Variants in UBE2G1 observed in about 807,000 individuals in gnomAD.
UBE2G1 encodes the protein ubiquitin-conjugating enzyme E2 G1.
In UBE2G1, 5 loss-of-function variants were observed where a neutral mutation model predicts 22.7. The ratio of observed to expected loss-of-function variants is 0.22; its 90% CI spans 0.12 to 0.46. UBE2G1 has a LOEUF of 0.46. Ranked by LOEUF, UBE2G1 falls within the 20% of genes least tolerant of loss-of-function variation. The probability of loss-of-function intolerance (pLI) is 0.99; values close to 1 mark genes in which losing one functional copy is unlikely to be tolerated. For synonymous variants in UBE2G1, 74 were observed against 67.5 expected, an observed-to-expected ratio of 1.10 and a Z score of -0.47; for missense variants, 88 against 203.9, an observed-to-expected ratio of 0.43 and a Z score of 3.46.
At chr17:4,358,788 T>C (rs937955108) in intron 1 of UBE2G1, among the ~76,000 whole-genome samples, 6 of 151,992 alleles carry the variant, frequency 3.9e-5, no homozygotes, top group South Asian at 2.1e-4. Flanking sequence ...CCTGTCTCTA[T>C]TAAAAATACA....
intron 1 of UBE2G1, among the ~76,000 whole-genome samples, chr17:4,362,046 G>GT (rs1969975072): frequency 1.3e-5 from 2 of 149,870 alleles, no homozygotes; most frequent in South Asian, 4.2e-4. Context: ...AAAAGACTAT[G>GT]TTTTTTTGTA....
chr17:4,355,368 C>A (rs1460740107), intron 1 of UBE2G1, among the ~76,000 whole-genome samples: 1 of 150,560 alleles, frequency 6.6e-6, no homozygotes, highest in Non-Finnish European at 1.5e-5. Flanking sequence ...TGGCTGGGAG[C>A]GATGGCTCAA....
intron 2 of UBE2G1, chr17:4,302,410 T>C (rs536558563): frequency 2.0e-6 from 1 of 507,496 alleles, no homozygotes; most frequent in Non-Finnish European, 4.0e-6. Flanking sequence ...ATCGCTTGCC[T>C]GTGCATTTTG....
intron 1 of UBE2G1, among the ~76,000 whole-genome samples, chr17:4,340,070 C>T (rs980228278): frequency 6.6e-6 from 1 of 152,100 alleles, no homozygotes; most frequent in African/African-American, 2.4e-5. Context: ...TAGCTGGGAA[C>T]ACAGGTGCAT....
At chr17:4,273,323 G>C (rs961493557) in intron 5 of UBE2G1, among the ~76,000 whole-genome samples, 1 of 152,148 alleles carries the variant, frequency 6.6e-6, no homozygotes, top group Non-Finnish European at 1.5e-5. Flanking sequence ...TGTTCAAAAA[G>C]TTAGAAAAAC....
chr17:4,324,599 G>A (rs1969479399), intron 1 of UBE2G1, among the ~76,000 whole-genome samples: 1 of 152,070 alleles, frequency 6.6e-6, no homozygotes, highest in South Asian at 2.1e-4. Flanking sequence ...TATTTATAAA[G>A]TGAGATAGGG....
At chr17:4,300,368 C>A (rs992031279) in intron 2 of UBE2G1, among the ~76,000 whole-genome samples, 1 of 151,192 alleles carries the variant, frequency 6.6e-6, no homozygotes, top group Non-Finnish European at 1.5e-5. Context: ...TATGGTGAAA[C>A]GCCGTCTCTA....
rs60325091 is a variant in UBE2G1, at chr17:4,325,120, A to C, written c.47-17997T>G. The stretch of plus-strand genomic sequence containing the variant: ...AACAAAAAAAACAAAAAACAAAAAA[A>C]AAAAGTAGTTTAAAATCTTCAAAAA... On this transcript the variant is annotated intron_variant, in intron 1 of 5. Coordinates refer to ENST00000396981, the MANE Select transcript of UBE2G1 (RefSeq NM_003342.5). Among the ~76,000 whole-genome samples, 1,007 of 152,298 alleles carry C rather than the reference A, an allele frequency of 6.6e-3. 6 individuals are homozygous for C. The highest frequency in any genetic ancestry group is 0.022 in the African/African-American group (907 of 41,576).
chr17:4,345,096 C>A (rs1969754259), intron 1 of UBE2G1, among the ~76,000 whole-genome samples: 1 of 152,052 alleles, frequency 6.6e-6, no homozygotes, highest in Non-Finnish European at 1.5e-5. Context: ...AAGCAAGAAG[C>A]CCAGAAGGGA....
chr17:4,353,632 C>A (rs570927842), intron 1 of UBE2G1, among the ~76,000 whole-genome samples: 85 of 151,516 alleles, frequency 5.6e-4, no homozygotes, highest in African/African-American at 1.8e-3. Context: ...CTTGCCTCAG[C>A]CTCCCGAGTA....
intron 1 of UBE2G1, among the ~76,000 whole-genome samples, chr17:4,328,102 A>C (rs938310271): frequency 7.2e-5 from 11 of 152,084 alleles, no homozygotes; most frequent in Admixed American, 3.3e-4. Context: ...GGATCACCAA[A>C]ATTTCTTAGT....
intron 1 of UBE2G1, among the ~76,000 whole-genome samples, chr17:4,335,035 G>A (rs1161230858): frequency 6.6e-6 from 1 of 151,824 alleles, no homozygotes; most frequent in Non-Finnish European, 1.5e-5. Flanking sequence ...AAATCACATC[G>A]AGCACAGCAG....
At chr17:4,348,515 T>C (rs1969807209) in intron 1 of UBE2G1, among the ~76,000 whole-genome samples, 1 of 140,982 alleles carries the variant, frequency 7.1e-6, no homozygotes, top group Non-Finnish European at 1.5e-5. Context: ...ATCCCGCCAC[T>C]GCACTCCAGC....
At chr17:4,309,987 T>A (rs1969290869) in intron 1 of UBE2G1, among the ~76,000 whole-genome samples, 1 of 152,234 alleles carries the variant, frequency 6.6e-6, no homozygotes, top group African/African-American at 2.4e-5. Context: ...CTTTGCTTGT[T>A]CCATGTAAGT....
chr17:4,275,087 G>A (rs1968806418), intron 5 of UBE2G1, among the ~76,000 whole-genome samples: 1 of 151,952 alleles, frequency 6.6e-6, no homozygotes, highest in Non-Finnish European at 1.5e-5. Flanking sequence ...AGGCAACAGA[G>A]CAAGACTCCC....
intron 3 of UBE2G1, among the ~76,000 whole-genome samples, 162 bp from the exon 4 acceptor site, chr17:4,289,570 C>CTA (rs1969009430): frequency 6.6e-6 from 1 of 152,150 alleles, no homozygotes; most frequent in Non-Finnish European, 1.5e-5. Context: ...TTTAAGAAGA[C>CTA]TATAGTATAG....
chr17:4,289,138 T>TAC, intron 4 of UBE2G1, 92 bp downstream of exon 4: 1 of 1,117,628 alleles, frequency 8.9e-7, no homozygotes, highest in Non-Finnish European at 1.2e-6. Flanking sequence ...CACGCATGCA[T>TAC]ACATTCATGC....
intron 1 of UBE2G1, among the ~76,000 whole-genome samples, chr17:4,358,268 T>C (rs1969929326): frequency 6.6e-6 from 1 of 152,180 alleles, no homozygotes; most frequent in South Asian, 2.1e-4. Context: ...TGGTGTCTTT[T>C]GCCCTTATTT....
At chr17:4,347,466 C>CT (rs1969790668) in intron 1 of UBE2G1, among the ~76,000 whole-genome samples, 4 of 92,524 alleles carry the variant, frequency 4.3e-5, no homozygotes, top group African/African-American at 2.2e-4. Flanking sequence ...CACAGTATTT[C>CT]TTCTTTTTTT....
Sources: allele counts gnomAD v4.1 joint callset (sites outside exome capture counted in the v4.1 genomes callset), GRCh38; gene constraint gnomAD v4.1.1; transcripts MANE v1.5; gene names NCBI Gene and HGNC (gene_info 2026-07-23, HGNC 2026-07-21).